Variants in EEPD1 observed in about 807,000 individuals in gnomAD.
EEPD1 encodes the protein endonuclease/exonuclease/phosphatase family domain-containing protein 1.
EEPD1 carries 17 observed loss-of-function variants against 46.3 expected under a neutral mutation model. The observed-to-expected ratio is 0.37, with a 90% CI of 0.25 to 0.55. The LOEUF is 0.55. Ranked by LOEUF, EEPD1 falls within the 20% of genes least tolerant of loss-of-function variation. The pLI is 0.83. For synonymous variants in EEPD1, 313 were observed against 315.6 expected (o/e 0.99, Z 0.09); for missense variants, 673 against 745.6 (o/e 0.90, Z 1.13).
chr7:36,168,785 G>A (rs564189102), intron 2 of EEPD1, among the ~76,000 whole-genome samples: 1 of 151,522 alleles, frequency 6.6e-6, no homozygotes, highest in South Asian at 2.1e-4. Context: ...GGGGGAGGGG[G>A]GACAGTTGTT....
At chr7:36,278,308 A>G (rs929797792) in intron 3 of EEPD1, among the ~76,000 whole-genome samples, 3 of 152,134 alleles carry the variant, frequency 2.0e-5, no homozygotes, top group African/African-American at 7.2e-5. Context: ...GGGTTTGGGT[A>G]TGAATGGGAG....
rs13227410 is a variant in EEPD1 at position 36,225,424 on chromosome 7, C to T, written c.879-13561C>T. Among the ~76,000 whole-genome samples the T allele has an allele frequency of 0.083, 12,565 of 152,144 alleles. 768 individuals carry two copies. Among genetic ancestry groups the T allele is most frequent in the Admixed American group, 0.16 (2,383 of 15,282 alleles). On this transcript the variant is annotated intron_variant, in intron 2 of 7. Transcript: ENST00000242108. This position sits in a 1 kb window ranked among gnomAD's most constrained non-coding sequence, Gnocchi z 4.2. ...TCATCCAAACTGTGATGGAAGGAAA[C>T]CCCGTGCTCACGAGGGACTGTGCGT... is the stretch of plus-strand genomic sequence containing the variant.
At chr7:36,213,296 T>C (rs549704974) in intron 2 of EEPD1, among the ~76,000 whole-genome samples, 14 of 152,068 alleles carry the variant, frequency 9.2e-5, no homozygotes, top group African/African-American at 3.1e-4. Flanking sequence ...GTGGATGAAG[T>C]GGGGAATGGG....
At chr7:36,217,744 C>T (rs1786053905) in intron 2 of EEPD1, among the ~76,000 whole-genome samples, 3 of 152,272 alleles carry the variant, frequency 2.0e-5, no homozygotes, top group South Asian at 4.1e-4. Flanking sequence ...GTTTGTGTTA[C>T]AGGGAGAGAG....
At chr7:36,248,900 A>G (rs546237592) in intron 3 of EEPD1, among the ~76,000 whole-genome samples, 18 of 151,910 alleles carry the variant, frequency 1.2e-4, no homozygotes, top group African/African-American at 3.9e-4. Flanking sequence ...CACTAGCTCC[A>G]CTTCACAAAC....
intron 3 of EEPD1, among the ~76,000 whole-genome samples, chr7:36,240,279 A>T (rs528911229): frequency 6.6e-6 from 1 of 152,302 alleles, no homozygotes; most frequent in South Asian, 2.1e-4. Flanking sequence ...TCACAAAATA[A>T]AATATCTGGG....
chr7:36,258,689 T>A (rs1786865299), intron 3 of EEPD1, among the ~76,000 whole-genome samples: 1 of 152,112 alleles, frequency 6.6e-6, no homozygotes, highest in East Asian at 1.9e-4. Context: ...AGCTCCAGCA[T>A]CCCAGGTCGA....
intron 2 of EEPD1, among the ~76,000 whole-genome samples, chr7:36,228,162 G>A (rs944392297): frequency 2.6e-5 from 4 of 152,170 alleles, no homozygotes; most frequent in Non-Finnish European, 5.9e-5. Context: ...AAAGAGGCGT[G>A]TTCAGACATC....
intron 2 of EEPD1, among the ~76,000 whole-genome samples, chr7:36,209,280 G>C (rs1475408147): frequency 6.6e-6 from 1 of 152,184 alleles, no homozygotes; most frequent in Non-Finnish European, 1.5e-5. Flanking sequence ...AACTCAGTTA[G>C]TGATTCAGGT....
intron 2 of EEPD1, among the ~76,000 whole-genome samples, chr7:36,160,624 C>T (rs1194123388): frequency 7.1e-6 from 1 of 140,128 alleles, no homozygotes; most frequent in African/African-American, 2.7e-5. Context: ...AGGTTAGAAG[C>T]AGAGGCTGAA....
Position 36,193,881 on chromosome 7 carries a change from A to C in EEPD1, c.878+38679A>C, listed in dbSNP as rs1046931779. Among the ~76,000 whole-genome samples, 1 of 152,128 alleles carries C rather than the reference A, an allele frequency of 6.6e-6. No individual in the cohort carries two copies. Among genetic ancestry groups the C allele is most frequent in the African/African-American group, 2.4e-5 (1 of 41,418 alleles). On this transcript the variant is annotated intron_variant, in intron 2 of 7. Transcript: ENST00000242108. The surrounding 1 kb of genome is among the most constrained non-coding windows in gnomAD (Gnocchi z 4.9). ...GACACCATTCTGTGGGAGAGATGAC[A>C]GTAAAATTAGGCTGTGGACATAATG... is the stretch of plus-strand genomic sequence containing the variant.
chr7:36,255,617 C>G (rs1583468255), intron 3 of EEPD1, among the ~76,000 whole-genome samples: 2 of 152,208 alleles, frequency 1.3e-5, no homozygotes, highest in East Asian at 3.9e-4. Flanking sequence ...TATTTGCGTA[C>G]AAGTGTTTAT....
At chr7:36,284,313 A>C (rs955434874) in intron 4 of EEPD1, among the ~76,000 whole-genome samples, 2 of 152,238 alleles carry the variant, frequency 1.3e-5, no homozygotes, top group African/African-American at 2.4e-5. Context: ...ATTTCAGGAA[A>C]GTCACTTAAC....
At chr7:36,229,053 C>G (rs953637281) in intron 2 of EEPD1, among the ~76,000 whole-genome samples, 2 of 152,178 alleles carry the variant, frequency 1.3e-5, no homozygotes, top group African/African-American at 4.8e-5. Flanking sequence ...ACTGCTGAAC[C>G]CCTCTTCTAA....
chr7:36,261,516 C>T (rs1484005349), intron 3 of EEPD1, among the ~76,000 whole-genome samples: 1 of 152,194 alleles, frequency 6.6e-6, no homozygotes, highest in Admixed American at 6.5e-5. Flanking sequence ...CATGCAATTT[C>T]CTGTCTTTTT....
At chr7:36,197,673 G>C (rs4723492) in intron 2 of EEPD1, among the ~76,000 whole-genome samples, 95,279 of 151,670 alleles carry the variant, frequency 0.63, 30,549 homozygotes, top group East Asian at 0.88. Context: ...ATGGATTAAG[G>C]GCGGTGCAAG....
At chr7:36,211,827 A>T (rs1180389487) in intron 2 of EEPD1, among the ~76,000 whole-genome samples, 2 of 151,988 alleles carry the variant, frequency 1.3e-5, no homozygotes, top group Non-Finnish European at 2.9e-5. Context: ...CAGGAGGCTG[A>T]GGCAGGAAAA....
Position 36,225,322 on chromosome 7 carries a change from G to T in EEPD1, c.879-13663G>T, listed in dbSNP as rs187662906. Among the ~76,000 whole-genome samples, 44 of 152,306 alleles carry T rather than the reference G, an allele frequency of 2.9e-4. 1 individual carries two copies. The East Asian group carries it at 6.4e-3, about 22-fold the overall frequency. On this transcript the variant is annotated intron_variant, in intron 2 of 7. Transcript: ENST00000242108. This position sits in a 1 kb window ranked among gnomAD's most constrained non-coding sequence, Gnocchi z 4.2. Reference sequence around the variant, plus strand: ...TGAGAAAAGAAGAACAAGAGACAGGGTTATACATGTGGAAGATGGAACTGA... The same window carrying T: ...TGAGAAAAGAAGAACAAGAGACAGGTTTATACATGTGGAAGATGGAACTGA...
intron 3 of EEPD1, among the ~76,000 whole-genome samples, chr7:36,253,674 T>C (rs557744393): frequency 2.1e-4 from 32 of 152,348 alleles, no homozygotes; most frequent in Middle Eastern, 3.4e-3. Context: ...GATTGACTCT[T>C]TTATTATGAT....
Sources: gnomAD v4.1 joint callset for allele counts (sites outside exome capture counted in the v4.1 genomes callset) on GRCh38, gnomAD v4.1.1 for gene constraint, Gnocchi (gnomAD v3.1) non-coding constraint, MANE v1.5 for transcripts, NCBI Gene and HGNC (gene_info 2026-07-23, HGNC 2026-07-21) for gene names.